Variants in EPHA7 observed in about 807,000 individuals in gnomAD.
The protein encoded by EPHA7 is EPH receptor A7.
A neutral mutation model predicts 112.6 loss-of-function variants in EPHA7; 25 were observed. That is an observed-to-expected ratio of 0.22 (90% CI 0.16 to 0.31). The LOEUF (loss-of-function observed/expected upper bound fraction) is 0.31, where lower values mean the gene tolerates loss of function less well. EPHA7 is among the 10% of genes least tolerant of loss of function. EPHA7 has a pLI of 1.00. For synonymous variants in EPHA7, 437 were observed against 406.5 expected (o/e 1.07, Z -0.90); for missense variants, 962 against 1,212.6 (o/e 0.79, Z 3.07).
At chr6:93,382,925 T>C (rs1401861863) in intron 3 of EPHA7, among the ~76,000 whole-genome samples, 3 of 152,198 alleles carry the variant, frequency 2.0e-5, no homozygotes, top group Non-Finnish European at 4.4e-5. Context: ...ACTTTCTGAA[T>C]GACCAAGGAG....
intron 5 of EPHA7, among the ~76,000 whole-genome samples, chr6:93,320,237 G>C (rs1306176692): frequency 6.6e-6 from 1 of 151,902 alleles, no homozygotes; most frequent in African/African-American, 2.4e-5. Context: ...ACTCAGAAGT[G>C]CTTTAATAAA....
At chr6:93,399,072 G>GCAGAGAGGTTAAAGTTTAAAGGTTT (rs1235852223) in intron 3 of EPHA7, among the ~76,000 whole-genome samples, 8 of 152,060 alleles carry the variant, frequency 5.3e-5, no homozygotes, top group Non-Finnish European at 1.2e-4. Context: ...CCTTGCAAGG[G>GCAGAGAGGTTAAAGTTTAAAGGTTT]CAGAGAGGTT....
intron 3 of EPHA7, among the ~76,000 whole-genome samples, chr6:93,404,634 T>C (rs1032941659): frequency 7.4e-5 from 11 of 148,414 alleles, no homozygotes; most frequent in Non-Finnish European, 1.3e-4. Flanking sequence ...TATATATATA[T>C]ATACACACAT....
intron 5 of EPHA7, among the ~76,000 whole-genome samples, chr6:93,295,248 C>T (rs544484202): frequency 2.0e-4 from 31 of 152,038 alleles, no homozygotes; most frequent in African/African-American, 6.3e-4. Context: ...TTCAACCAGC[C>T]GTTTATGAAA....
rs1182384954 is a variant in EPHA7 at position 93,414,774 on chromosome 6, A to C, written c.98-7T>G. ...TTAGAATCCAGCAGTAGTACTGAAA[A>C]AGAAAGTTGTATTTCCATATGTTAC... On this transcript the variant is annotated splice_region_variant and splice_polypyrimidine_tract_variant and intron_variant, in intron 1 of 16. Coordinates refer to ENST00000369303, the MANE Select transcript of EPHA7 (RefSeq NM_004440.4). The C allele has an allele frequency of 6.2e-7, 1 of 1,611,542 alleles. No individual in the cohort carries two copies. Among genetic ancestry groups the C allele is most frequent in the Non-Finnish European group, 8.5e-7 (1 of 1,178,576 alleles).
intron 3 of EPHA7, among the ~76,000 whole-genome samples, chr6:93,390,414 A>G (rs966882562): frequency 5.9e-5 from 9 of 151,842 alleles, no homozygotes; most frequent in Non-Finnish European, 1.0e-4. Flanking sequence ...CTACACATTA[A>G]GATAAATTTT....
At position 93,240,279 on chromosome 6, in the gene EPHA7, T is replaced by C. The variant is rs1318601130; in HGVS notation, c.*3147A>G. On this transcript the variant is annotated 3_prime_UTR_variant, in exon 17 of 17. Transcript: ENST00000369303. Reference sequence around the variant, plus strand: ...AAAAAAATACACATCAGTAATTTATTTGAACATGCACATCAGTGAGTAGCA... The same window carrying C: ...AAAAAAATACACATCAGTAATTTATCTGAACATGCACATCAGTGAGTAGCA... 1 of 226,206 alleles carries C rather than the reference T, an allele frequency of 4.4e-6. No homozygotes were observed. Among genetic ancestry groups the C allele is most frequent in the East Asian group, 6.4e-5 (1 of 15,700 alleles). The allele number at this position is 226,206 out of a possible 1,614,324, so 14.0% of individuals were successfully genotyped here. A position where few individuals can be genotyped will look rare whatever the true frequency, so the allele number is the denominator to read the frequency against.
intron 3 of EPHA7, among the ~76,000 whole-genome samples, chr6:93,394,908 T>C (rs1018841471): frequency 2.6e-5 from 4 of 151,870 alleles, no homozygotes; most frequent in African/African-American, 7.2e-5. Flanking sequence ...TTAATTTTTA[T>C]CACTATTTTT....
At chr6:93,344,946 C>T (rs1054477044) in intron 5 of EPHA7, among the ~76,000 whole-genome samples, 2 of 151,580 alleles carry the variant, frequency 1.3e-5, no homozygotes, top group African/African-American at 4.8e-5. Flanking sequence ...CATTAACTCA[C>T]CATCTATAGG....
intron 5 of EPHA7, among the ~76,000 whole-genome samples, chr6:93,281,656 G>A (rs1392813855): frequency 1.3e-5 from 2 of 152,040 alleles, no homozygotes. Flanking sequence ...ATTTTCAGTT[G>A]TGCACATTTT....
intron 3 of EPHA7, among the ~76,000 whole-genome samples, chr6:93,390,334 T>C (rs962998839): frequency 6.1e-4 from 92 of 151,350 alleles, no homozygotes; most frequent in African/African-American, 2.1e-3. Flanking sequence ...GAATCATGAA[T>C]TGAAAAAAAT....
chr6:93,262,834 T>TA lies in EPHA7; in HGVS notation c.1798+1025dup, dbSNP rs918965882. Reference sequence around the variant, plus strand: ...CACATTGTCATTTGAGCTTTTTTATTAAAAAAAAAGTATCACAAAGAAAAT... The same window carrying TA: ...CACATTGTCATTTGAGCTTTTTTATTAAAAAAAAAAGTATCACAAAGAAAAT... On this transcript the variant is annotated intron_variant, in intron 9 of 16. Coordinates refer to ENST00000369303, the MANE Select transcript of EPHA7 (RefSeq NM_004440.4). 4.3e-3 allele frequency among the ~76,000 whole-genome samples: 648 copies of TA among 150,238 alleles called. 5 individuals carry two copies. The highest frequency in any genetic ancestry group is 0.013 in the African/African-American group (544 of 41,138).
chr6:93,385,712 AT>A (rs1024053371), intron 3 of EPHA7, among the ~76,000 whole-genome samples: 11 of 152,056 alleles, frequency 7.2e-5, no homozygotes, highest in African/African-American at 2.4e-4. Flanking sequence ...TGATGTGTGG[AT>A]GGATGGATAG....
chr6:93,303,661 C>A (rs562268854), intron 5 of EPHA7, among the ~76,000 whole-genome samples: 1 of 152,194 alleles, frequency 6.6e-6, no homozygotes, highest in South Asian at 2.1e-4. Context: ...AGTATCTGCT[C>A]TGCGTTTTAA....
chr6:93,372,306 T>G (rs952551445), intron 3 of EPHA7, among the ~76,000 whole-genome samples: 1 of 152,060 alleles, frequency 6.6e-6, no homozygotes, highest in African/African-American at 2.4e-5. Context: ...AAACAAAGGG[T>G]AATACTTGCC....
chr6:93,414,619 A>C, intron 2 of EPHA7, 84 bp downstream of exon 2: 1 of 973,140 alleles, frequency 1.0e-6, no homozygotes, highest in South Asian at 1.3e-5. Flanking sequence ...ATACATGAAG[A>C]GTGTGAATAA....
chr6:93,342,121 A>C (rs1775167987), intron 5 of EPHA7, among the ~76,000 whole-genome samples: 1 of 151,850 alleles, frequency 6.6e-6, no homozygotes, highest in Non-Finnish European at 1.5e-5. Context: ...ATGTAATTAA[A>C]GTGCACCTTC....
At chr6:93,348,318 T>C (rs943325511) in intron 5 of EPHA7, among the ~76,000 whole-genome samples, 1 of 151,740 alleles carries the variant, frequency 6.6e-6, no homozygotes, top group African/African-American at 2.4e-5. Flanking sequence ...AATACAAAAA[T>C]ATTAAAACCT....
intron 5 of EPHA7, among the ~76,000 whole-genome samples, chr6:93,299,332 AT>A (rs1772846614): frequency 2.0e-5 from 3 of 150,362 alleles, no homozygotes; most frequent in South Asian, 2.1e-4. Flanking sequence ...TCTCAAAAAA[AT>A]AAAATAAAAT....
Sources: allele counts gnomAD v4.1 joint callset (sites outside exome capture counted in the v4.1 genomes callset), GRCh38; gene constraint gnomAD v4.1.1; transcripts MANE v1.5; gene names NCBI Gene and HGNC (gene_info 2026-07-23, HGNC 2026-07-21).